ARL15: variants seen among roughly 807,000 people sequenced by gnomAD.
ARL15 encodes the protein ARF like GTPase 15.
A neutral mutation model predicts 25.2 loss-of-function variants in ARL15; 19 were observed. That is an observed-to-expected ratio of 0.75 (90% CI 0.53 to 1.10). ARL15 has a LOEUF of 1.10. Ranked by LOEUF, ARL15 falls within the 50% of genes least tolerant of loss-of-function variation. ARL15 has a pLI of 0.00. For synonymous variants in ARL15, 94 were observed against 86.8 expected (o/e 1.08, Z -0.46); for missense variants, 220 against 246.0 (o/e 0.89, Z 0.71).
chr5:54,174,574 T>C (rs1268875853), intron 1 of ARL15, among the ~76,000 whole-genome samples: 1 of 152,174 alleles, frequency 6.6e-6, no homozygotes, highest in Non-Finnish European at 1.5e-5. Flanking sequence ...TTTCAGTCTG[T>C]CTTCATCCTA....
Position 54,171,767 on chromosome 5 carries a change from C to T in ARL15, c.193+17G>A. The T allele has an allele frequency of 5.6e-6, 9 of 1,606,262 alleles. No homozygotes were observed. The highest frequency in any genetic ancestry group is 6.8e-6 in the Non-Finnish European group (8 of 1,176,080). On this transcript the variant is annotated intron_variant, in intron 2 of 4. Coordinates refer to ENST00000504924, the MANE Select transcript of ARL15 (RefSeq NM_019087.3). The stretch of plus-strand genomic sequence containing the variant: ...GATGAGAAAGAAGAAGGGACAGAAC[C>T]CCAGCACAGTACCCACCTGTGGTCG...
At chr5:53,952,285 AAAG>A (rs1232312583) in intron 4 of ARL15, among the ~76,000 whole-genome samples, 2 of 152,106 alleles carry the variant, frequency 1.3e-5, no homozygotes, top group East Asian at 3.9e-4. Context: ...AACAAACAAA[AAAG>A]AAGAGAGTGA....
At chr5:53,980,814 C>T (rs924571416) in intron 4 of ARL15, among the ~76,000 whole-genome samples, 3 of 152,158 alleles carry the variant, frequency 2.0e-5, no homozygotes, top group African/African-American at 7.2e-5. Context: ...CACCCAAAGG[C>T]TTCTCTCAAA....
At chr5:53,936,846 C>A (rs1194543414) in intron 4 of ARL15, among the ~76,000 whole-genome samples, 1 of 152,168 alleles carries the variant, frequency 6.6e-6, no homozygotes, top group Middle Eastern at 3.2e-3. Flanking sequence ...TGGTTTCTTG[C>A]CCAGTGCGAT....
intron 4 of ARL15, among the ~76,000 whole-genome samples, chr5:54,036,149 C>T (rs1008288765): frequency 2.7e-5 from 4 of 146,348 alleles, no homozygotes; most frequent in African/African-American, 5.1e-5. Context: ...GACCCCGCTT[C>T]GTAAAAAAGA....
chr5:53,892,939 TC>T (rs1744767404), intron 4 of ARL15, among the ~76,000 whole-genome samples: 1 of 152,092 alleles, frequency 6.6e-6, no homozygotes, highest in African/African-American at 2.4e-5. Flanking sequence ...AAAAGTATGG[TC>T]TTGCTCCAAT....
intron 4 of ARL15, among the ~76,000 whole-genome samples, chr5:53,904,673 C>A (rs887346180): frequency 2.0e-5 from 3 of 151,696 alleles, no homozygotes; most frequent in African/African-American, 7.3e-5. Flanking sequence ...AAGGCCTTGG[C>A]CCAACATGAA....
chr5:54,058,743 G>A (rs1750967638), intron 4 of ARL15, among the ~76,000 whole-genome samples: 1 of 152,154 alleles, frequency 6.6e-6, no homozygotes, highest in Non-Finnish European at 1.5e-5. Flanking sequence ...GTGGAATCCA[G>A]ATCAGATAGA....
chr5:54,044,157 G>T (rs1288290541), intron 4 of ARL15, among the ~76,000 whole-genome samples: 1 of 151,548 alleles, frequency 6.6e-6, no homozygotes, highest in Admixed American at 6.6e-5. Context: ...AAAGTTTCTT[G>T]TAAGTACATT....
chr5:54,261,681 T>C (rs957675622), intron 1 of ARL15, among the ~76,000 whole-genome samples: 3 of 152,010 alleles, frequency 2.0e-5, no homozygotes, highest in Non-Finnish European at 2.9e-5. Context: ...CAGCAGAAAA[T>C]TGAGGCTCAG....
chr5:54,264,502 C>T (rs995706073), intron 1 of ARL15, among the ~76,000 whole-genome samples: 6 of 152,146 alleles, frequency 3.9e-5, no homozygotes, highest in African/African-American at 1.2e-4. Context: ...GAGGTACCCC[C>T]ACAGTCACTA....
chr5:54,031,943 T>C (rs565953657), intron 4 of ARL15, among the ~76,000 whole-genome samples: 1 of 152,322 alleles, frequency 6.6e-6, no homozygotes, highest in South Asian at 2.1e-4. Context: ...AAGAAAAACA[T>C]TTGTATCATC....
intron 4 of ARL15, among the ~76,000 whole-genome samples, chr5:54,027,662 G>C (rs1749821339): frequency 6.6e-6 from 1 of 151,924 alleles, no homozygotes; most frequent in South Asian, 2.1e-4. Context: ...TTTGATCTAT[G>C]CTTGCACCAA....
rs1756341872 is a variant in ARL15, at chr5:54,220,445, T to A, written c.49-48517A>T. On this transcript the variant is annotated intron_variant, in intron 1 of 4. Coordinates refer to ENST00000504924, the MANE Select transcript of ARL15 (RefSeq NM_019087.3). Reference sequence around the variant, plus strand: ...CAGCTACTGAACTTTATTCAGCTGGTTTCTCCCCAGAGCACGTCTTCACCG... The same window carrying A: ...CAGCTACTGAACTTTATTCAGCTGGATTCTCCCCAGAGCACGTCTTCACCG... Among the ~76,000 whole-genome samples, 7 of 152,292 alleles carry A rather than the reference T, an allele frequency of 4.6e-5. No homozygotes were observed. In the South Asian group the frequency reaches 1.2e-3, roughly 27 times the overall value.
At chr5:54,069,062 C>T (rs61477070) in intron 4 of ARL15, among the ~76,000 whole-genome samples, 41,612 of 151,964 alleles carry the variant, frequency 0.27, 7,369 homozygotes, top group African/African-American at 0.51. Context: ...TTCTTCAATG[C>T]GACATTCTAA....
intron 1 of ARL15, among the ~76,000 whole-genome samples, chr5:54,193,832 G>C (rs1317904725): frequency 6.6e-6 from 1 of 151,018 alleles, no homozygotes; most frequent in African/African-American, 2.4e-5. Context: ...TAGCTCACAT[G>C]GCTCTGTTAT....
chr5:54,309,721 T>C (rs1027154733), intron 1 of ARL15, among the ~76,000 whole-genome samples: 4 of 152,204 alleles, frequency 2.6e-5, no homozygotes, highest in Admixed American at 6.5e-5. Context: ...ATTTTTAAAA[T>C]GATGTTCGGT....
chr5:54,138,055 T>TTGAG lies in ARL15; in HGVS notation c.253+16524_253+16525insCTCA, dbSNP rs542894781. ...TGAGACTTCAATGTTTACAGAAAAT[T>TTGAG]TGAAACCTTTTATAAAACCACTAAT... On this transcript the variant is annotated intron_variant, in intron 3 of 4. Coordinates refer to ENST00000504924, the MANE Select transcript of ARL15 (RefSeq NM_019087.3). Among the ~76,000 whole-genome samples, 247 of 152,294 alleles carry TTGAG rather than the reference T, an allele frequency of 1.6e-3. 1 individual carries two copies. Among genetic ancestry groups the TTGAG allele is most frequent in the Admixed American group, 8.0e-3 (123 of 15,290 alleles).
intron 3 of ARL15, among the ~76,000 whole-genome samples, chr5:54,138,883 A>G (rs1487899908): frequency 6.6e-6 from 1 of 152,234 alleles, no homozygotes; most frequent in African/African-American, 2.4e-5. Flanking sequence ...CCTCAAAAGA[A>G]GATATACAAA....
Sources: gnomAD v4.1 joint callset for allele counts (sites outside exome capture counted in the v4.1 genomes callset) on GRCh38, gnomAD v4.1.1 for gene constraint, MANE v1.5 for transcripts, NCBI Gene and HGNC (gene_info 2026-07-23, HGNC 2026-07-21) for gene names.